Variants in LARGE1 observed in about 807,000 individuals in gnomAD.
LARGE1 encodes xylosyl- and glucuronyltransferase LARGE1.
A neutral mutation model predicts 87.6 loss-of-function variants in LARGE1; 43 were observed. That is an observed-to-expected ratio of 0.49 (90% confidence interval 0.38 to 0.63). LARGE1 has a LOEUF of 0.63. Ranked by LOEUF, LARGE1 falls within the 30% of genes least tolerant of loss-of-function variation. The probability of loss-of-function intolerance (pLI) is 0.00; values close to 1 mark genes in which losing one functional copy is unlikely to be tolerated. For synonymous variants in LARGE1, 434 were observed against 394.6 expected (o/e 1.10, Z -1.18); for missense variants, 802 against 1,000.2 (o/e 0.80, Z 2.67).
intron 6 of LARGE1, among the ~76,000 whole-genome samples, chr22:33,483,500 G>C (rs1569203300): frequency 6.6e-6 from 1 of 152,108 alleles, no homozygotes; most frequent in Non-Finnish European, 1.5e-5. Flanking sequence ...GGACAGAAAG[G>C]ACAGAGGTAA....
chr22:33,089,269 T>TTCC, the LARGE1 span, among the ~76,000 whole-genome samples: 2 of 149,698 alleles, frequency 1.3e-5, no homozygotes, highest in Non-Finnish European at 2.9e-5. Context: ...CTTCCTCTTC[T>TTCC]TCTTCTTCTT....
chr22:33,614,923 T>C (rs2079540505), intron 4 of LARGE1, among the ~76,000 whole-genome samples: 1 of 152,208 alleles, frequency 6.6e-6, no homozygotes, highest in Non-Finnish European at 1.5e-5. Context: ...GAGCATGCTC[T>C]CCTGGCAGGC....
intron 1 of LARGE1, among the ~76,000 whole-genome samples, chr22:33,884,734 T>C (rs1477932837): frequency 6.6e-6 from 1 of 152,194 alleles, no homozygotes; most frequent in Non-Finnish European, 1.5e-5. Context: ...CTTAGTGGCA[T>C]GCGTGCACTT....
intron 9 of LARGE1, among the ~76,000 whole-genome samples, chr22:33,371,994 A>T (rs948895920): frequency 2.0e-5 from 3 of 152,114 alleles, no homozygotes; most frequent in African/African-American, 7.2e-5. Flanking sequence ...AAAAAAAAAA[A>T]AAAAGTTTAT....
In LARGE1 at chr22:33,398,341, T is replaced by TA. The variant is rs138680265; in HGVS notation, c.893-14038dup. On this transcript the variant is annotated intron_variant, in intron 7 of 14. Transcript: ENST00000397394. ...CAAAGCAAAACAACTAATACGAAGT[T>TA]AAAAAAAAAGGTCAAGGATCTAAGT... Among the ~76,000 whole-genome samples the TA allele has an allele frequency of 1.1e-3, 165 of 150,912 alleles. 1 individual carries two copies. Among genetic ancestry groups the TA allele is most frequent in the East Asian group, 3.3e-3 (17 of 5,132 alleles).
the LARGE1 span, among the ~76,000 whole-genome samples, chr22:33,126,699 TGG>T: frequency 6.6e-6 from 1 of 152,240 alleles, no homozygotes. Context: ...TGCATTGCTA[TGG>T]GGCAAGACAT....
At chr22:33,610,530 C>G (rs943771443) in intron 4 of LARGE1, among the ~76,000 whole-genome samples, 1 of 152,050 alleles carries the variant, frequency 6.6e-6, no homozygotes, top group African/African-American at 2.4e-5. Flanking sequence ...GATGGAGGAG[C>G]AAAGCAATGA....
intron 1 of LARGE1, among the ~76,000 whole-genome samples, chr22:33,895,172 C>G (rs1045957097): frequency 6.6e-6 from 1 of 152,064 alleles, no homozygotes; most frequent in African/African-American, 2.4e-5. Context: ...CCAGAGAGAG[C>G]AGGAAGGCAC....
chr22:33,503,127 A>T (rs1053909008), intron 6 of LARGE1, among the ~76,000 whole-genome samples: 11 of 152,124 alleles, frequency 7.2e-5, no homozygotes, highest in African/African-American at 2.7e-4. Context: ...AATAAAAGGG[A>T]TGTGGGAAAG....
intron 2 of LARGE1, among the ~76,000 whole-genome samples, chr22:33,681,757 T>G (rs1300976867): frequency 1.3e-5 from 2 of 152,232 alleles, no homozygotes; most frequent in African/African-American, 2.4e-5. Context: ...TTTCTAAAAG[T>G]GTTTGCTAAT....
chr22:33,763,292 A>G (rs981785550), intron 1 of LARGE1, among the ~76,000 whole-genome samples: 1 of 152,220 alleles, frequency 6.6e-6, no homozygotes, highest in South Asian at 2.1e-4. Flanking sequence ...AGCCGATCAC[A>G]ACTGTCAATG....
At chr22:33,462,296 C>A (rs1304419637) in intron 6 of LARGE1, among the ~76,000 whole-genome samples, 1 of 152,044 alleles carries the variant, frequency 6.6e-6, no homozygotes, top group East Asian at 1.9e-4. Flanking sequence ...AGGAAAAACA[C>A]CCTTCGGGAT....
the LARGE1 span, among the ~76,000 whole-genome samples, chr22:33,151,856 T>C: frequency 5.3e-5 from 8 of 152,148 alleles, no homozygotes; most frequent in East Asian, 9.6e-4. Context: ...GATATTTGCA[T>C]CTAGTTCATG....
intron 12 of LARGE1, among the ~76,000 whole-genome samples, chr22:33,287,259 T>C (rs1036100691): frequency 3.9e-5 from 6 of 152,220 alleles, no homozygotes; most frequent in African/African-American, 1.4e-4. Context: ...TGCCTGCAAC[T>C]AAACAACCCT....
chr22:33,469,843 A>G (rs1215157796), intron 6 of LARGE1, among the ~76,000 whole-genome samples: 1 of 150,566 alleles, frequency 6.6e-6, no homozygotes, highest in Non-Finnish European at 1.5e-5. Context: ...CAAAAAACAA[A>G]AAACAAAAAA....
intron 7 of LARGE1, among the ~76,000 whole-genome samples, chr22:33,394,111 A>T (rs1195564399): frequency 6.6e-6 from 1 of 150,950 alleles, no homozygotes; most frequent in African/African-American, 2.4e-5. Flanking sequence ...GAAGCTAAAC[A>T]GGGTGACAAT....
intron 12 of LARGE1, among the ~76,000 whole-genome samples, chr22:33,290,207 C>T (rs1932279910): frequency 6.6e-6 from 1 of 152,122 alleles, no homozygotes; most frequent in Non-Finnish European, 1.5e-5. Flanking sequence ...ATCCTTTCCT[C>T]TAGAGGCAGG....
chr22:33,542,916 T>C (rs1418090367), intron 6 of LARGE1, among the ~76,000 whole-genome samples: 1 of 152,128 alleles, frequency 6.6e-6, no homozygotes, highest in Non-Finnish European at 1.5e-5. Flanking sequence ...TCTCTTGAAA[T>C]TGCATCATCC....
At chr22:33,678,234 C>A (rs867909840) in intron 2 of LARGE1, among the ~76,000 whole-genome samples, 1 of 152,164 alleles carries the variant, frequency 6.6e-6, no homozygotes, top group East Asian at 1.9e-4. Flanking sequence ...TCTTATTTTA[C>A]GTAAAGGGAT....
Sources: allele counts gnomAD v4.1 joint callset (sites outside exome capture counted in the v4.1 genomes callset), GRCh38; gene constraint gnomAD v4.1.1; transcripts MANE v1.5; gene names NCBI Gene and HGNC (gene_info 2026-07-23, HGNC 2026-07-21).